Variants in SLC29A1 observed in about 807,000 individuals in gnomAD.
SLC29A1 encodes the protein equilibrative nucleoside transporter 1.
In SLC29A1, 22 loss-of-function variants were observed where a neutral mutation model predicts 48.3. The ratio of observed to expected loss-of-function variants is 0.46; its 90% CI spans 0.33 to 0.65. The LOEUF (loss-of-function observed/expected upper bound fraction) is 0.65. SLC29A1 is among the 30% of genes least tolerant of loss of function. The pLI is 0.03. For synonymous variants in SLC29A1, 228 were observed against 231.0 expected, an observed-to-expected ratio of 0.99 and a Z score of 0.12; for missense variants, 491 against 575.3, an observed-to-expected ratio of 0.85 and a Z score of 1.50.
At chr6:44,227,184 G>C (rs757285397) in intron 1 of SLC29A1, 79 bp from the exon 2 acceptor site, 42 of 1,468,982 alleles carry the variant, frequency 2.9e-5, no homozygotes, top group East Asian at 7.4e-5. Flanking sequence ...TGTCAGCCCT[G>C]CCCCCTCTCC....
At position 44,232,205 on chromosome 6, in the gene SLC29A1, C is replaced by G; in HGVS notation, c.973+99C>G. On this transcript the variant is annotated intron_variant, in intron 10 of 12. Transcript: ENST00000371755. This position sits in a 1 kb window ranked among gnomAD's most constrained non-coding sequence, Gnocchi z 4.7. ...AGCCTGGGTCACCTTCTCCCCGTTT[C>G]CTGGGTCCATTTGCCCTTCCCTGGG... The G allele has an allele frequency of 1.7e-6, 2 of 1,165,992 alleles. No individual in the cohort carries two copies. The highest frequency in any genetic ancestry group is 2.6e-6 in the Non-Finnish European group (2 of 774,584). 72.2% of individuals were successfully genotyped at this position (1,165,992 alleles called of 1,614,324 possible). A position where few individuals can be genotyped will look rare whatever the true frequency, so the allele number is the denominator to read the frequency against.
rs568929212 is a variant in SLC29A1 at position 44,233,798 on chromosome 6, C to G, written c.*270C>G. The G allele has an allele frequency of 8.1e-6, 4 of 496,158 alleles. No individual in the cohort carries two copies. In the East Asian group the frequency reaches 1.1e-4, roughly 13 times the overall value. 30.7% of individuals were successfully genotyped at this position (496,158 alleles called of 1,614,324 possible). ...TCTCCACTCTTGGCTCTGACTGATC[C>G]CTGCTTGTGCAGGCCAGTGGAGGCT... On this transcript the variant is annotated 3_prime_UTR_variant, in exon 13 of 13. Transcript: ENST00000371755.
rs1267978941 is a variant in SLC29A1, at chr6:44,233,930, C to T, written c.*402C>T. ...GGGGTGGCTAGGAGCTGGGTCTGACCGTTGTATGGTTTGACCTGATATACT... is the reference window on the plus strand; with the variant it reads ...GGGGTGGCTAGGAGCTGGGTCTGACTGTTGTATGGTTTGACCTGATATACT... On this transcript the variant is annotated 3_prime_UTR_variant, in exon 13 of 13. Coordinates refer to ENST00000371755, the MANE Select transcript of SLC29A1 (RefSeq NM_001372327.1). 3 of 219,546 alleles carry T rather than the reference C, an allele frequency of 1.4e-5. No individual in the cohort carries two copies. The highest frequency in any genetic ancestry group is 2.3e-5 in the African/African-American group (1 of 43,346). 13.6% of individuals were successfully genotyped at this position (219,546 alleles called of 1,614,324 possible). A position where few individuals can be genotyped will look rare whatever the true frequency, so the allele number is the denominator to read the frequency against.
rs946585960 is a variant in SLC29A1 at position 44,234,048 on chromosome 6, G to C, written c.*520G>C. ...TCTTACCCATCATGCACCCTGTACA[G>C]TTGCCACGTTACTGCCTTTTTTAAA... On this transcript the variant is annotated 3_prime_UTR_variant, in exon 13 of 13. Transcript: ENST00000371755. 1 of 153,302 alleles carries C rather than the reference G, an allele frequency of 6.5e-6. No homozygotes were observed. Among genetic ancestry groups the C allele is most frequent in the Non-Finnish European group, 1.5e-5 (1 of 68,476 alleles). 9.5% of individuals were successfully genotyped at this position (153,302 alleles called of 1,614,324 possible).
upstream of SLC29A1, chr6:44,223,434 G>A: frequency 3.0e-6 from 2 of 660,596 alleles, no homozygotes; most frequent in Non-Finnish European, 3.8e-6. The surrounding 1 kb of genome is among the most constrained non-coding windows in gnomAD (Gnocchi z 5.0). Context: ...GGGGCGCAGG[G>A]GCTCGGGGTG....
chr6:44,220,771 G>A (rs1383848387), upstream of SLC29A1, among the ~76,000 whole-genome samples: 1 of 151,718 alleles, frequency 6.6e-6, no homozygotes, highest in African/African-American at 2.4e-5. Flanking sequence ...GTTGCAGTGA[G>A]CCAAGATCAC....
At chr6:44,222,908 C>T (rs1466030627), upstream of SLC29A1, among the ~76,000 whole-genome samples, 1 of 152,230 alleles carries the variant, frequency 6.6e-6, no homozygotes, top group Non-Finnish European at 1.5e-5. Flanking sequence ...GGCTTTGCCC[C>T]ACCCCCCTCC....
upstream of SLC29A1, among the ~76,000 whole-genome samples, chr6:44,222,430 G>T (rs1355540634): frequency 6.6e-6 from 1 of 152,106 alleles, no homozygotes; most frequent in Non-Finnish European, 1.5e-5. Context: ...CTGGGGACAG[G>T]GTAGGACTAC....
rs919014087 is a variant in SLC29A1 at position 44,223,915 on chromosome 6, G to C, written c.-52+274G>C. 1.5e-5 allele frequency: 15 copies of C among 994,092 alleles called. No homozygotes were observed. Among genetic ancestry groups the C allele is most frequent in the Non-Finnish European group, 1.8e-5 (15 of 835,836 alleles). 61.6% of individuals were successfully genotyped at this position (994,092 alleles called of 1,614,324 possible). ...ACAGGCTGCGGTCACGTTGACCTCCGCAAGGGGCAGGCGAGTGGACGGGTG... is the reference window on the plus strand; with the variant it reads ...ACAGGCTGCGGTCACGTTGACCTCCCCAAGGGGCAGGCGAGTGGACGGGTG... On this transcript the variant is annotated intron_variant, in intron 1 of 12. Coordinates refer to ENST00000371755, the MANE Select transcript of SLC29A1 (RefSeq NM_001372327.1). This position sits in a 1 kb window ranked among gnomAD's most constrained non-coding sequence, Gnocchi z 5.0.
chr6:44,230,782 C>A (rs956015810), intron 7 of SLC29A1, 29 bp from the exon 8 acceptor site: 1 of 1,600,148 alleles, frequency 6.2e-7, no homozygotes, highest in Non-Finnish European at 8.6e-7. Flanking sequence ...GCCTCTAAAT[C>A]CACCTCCCCC....
chr6:44,220,194 C>A (rs1776181863), upstream of SLC29A1, among the ~76,000 whole-genome samples: 1 of 151,864 alleles, frequency 6.6e-6, no homozygotes, highest in East Asian at 1.9e-4. Flanking sequence ...TAAAAAAAAA[C>A]AAAAACCGAG....
In SLC29A1 at chr6:44,227,410, T is replaced by C. The variant is rs1003887786; in HGVS notation, c.29+68T>C. ...TTCAGGGAGCTGGGTGTGGTGTCCT[T>C]TGGAATTGGGGGTTGCCATTGCTGG... On this transcript the variant is annotated intron_variant, in intron 2 of 12. Coordinates refer to ENST00000371755, the MANE Select transcript of SLC29A1 (RefSeq NM_001372327.1). 1.6e-5 allele frequency: 23 copies of C among 1,408,712 alleles called. No homozygotes were observed. In the Admixed American group the frequency reaches 3.1e-4, roughly 19 times the overall value. 87.3% of individuals were successfully genotyped at this position (1,408,712 alleles called of 1,614,324 possible). A position where few individuals can be genotyped will look rare whatever the true frequency, so the allele number is the denominator to read the frequency against.
At chr6:44,225,810 G>A (rs907972592) in intron 1 of SLC29A1, 2 of 152,334 alleles carry the variant, frequency 1.3e-5, no homozygotes, top group African/African-American at 4.8e-5. Flanking sequence ...AGAGCCCGTG[G>A]AAGGTCTCAT....
chr6:44,230,400 G>A lies in SLC29A1; in HGVS notation c.508G>A (p.Ala170Thr), dbSNP rs775364025. The A allele has an allele frequency of 6.8e-6, 11 of 1,613,950 alleles. No homozygotes were observed. In the East Asian group the frequency reaches 1.3e-4, roughly 20 times the overall value. Reference protein sequence around the residue: ...SLFGLAGLLPASYTAPIMSGQ... With the variant: ...SLFGLAGLLPTSYTAPIMSGQ... ...GTTTGGTCTGGCTGGCCTTCTGCCT[G>A]CCAGCTACACGGCCCCCATCATGAG... The change falls in exon 6 of 13, where the codon GCC (alanine) becomes ACC (threonine). Residue 170 changes from alanine (A) to threonine (T), a missense_variant. Coordinates refer to ENST00000371755, the MANE Select transcript of SLC29A1 (RefSeq NM_001372327.1).
chr6:44,233,142 C>T, intron 12 of SLC29A1, 136 bp downstream of exon 12: 1 of 975,844 alleles, frequency 1.0e-6, no homozygotes, highest in East Asian at 2.6e-5. Flanking sequence ...GGAGGGGCTC[C>T]CAGGCTGAGG....
upstream of SLC29A1, chr6:44,221,804 A>C (rs1052914231): frequency 1.8e-5 from 7 of 391,388 alleles, no homozygotes; most frequent in African/African-American, 1.5e-4. This position sits in a 1 kb window ranked among gnomAD's most constrained non-coding sequence, Gnocchi z 4.2. Context: ...TGGATGCCAG[A>C]CGGACTTCTC....
In SLC29A1 at chr6:44,223,680, C is replaced by A; in HGVS notation, c.-52+39C>A. 1 of 1,142,652 alleles carries A rather than the reference C, an allele frequency of 8.8e-7. No homozygotes were observed. The highest frequency in any genetic ancestry group is 3.8e-5 in the Admixed American group (1 of 26,310). The allele number at this position is 1,142,652 out of a possible 1,614,324, so 70.8% of individuals were successfully genotyped here. A position where few individuals can be genotyped will look rare whatever the true frequency, so the allele number is the denominator to read the frequency against. ...CCGGGGACTGGGGACTGGGGACTGC[C>A]GGGGCGGAAGACGCCGCTGCCCGCC... is the stretch of plus-strand genomic sequence containing the variant. On this transcript the variant is annotated intron_variant, in intron 1 of 12. Transcript: ENST00000371755. This position sits in a 1 kb window ranked among gnomAD's most constrained non-coding sequence, Gnocchi z 5.0.
At chr6:44,221,381 C>G (rs1776401286), upstream of SLC29A1, among the ~76,000 whole-genome samples, 1 of 152,226 alleles carries the variant, frequency 6.6e-6, no homozygotes, top group Non-Finnish European at 1.5e-5. This position sits in a 1 kb window ranked among gnomAD's most constrained non-coding sequence, Gnocchi z 4.2. Flanking sequence ...ACACTTCCAG[C>G]AAACACACAT....
At chr6:44,231,819 G>C (rs1416239708) in intron 9 of SLC29A1, among the ~76,000 whole-genome samples, 179 bp from the exon 10 acceptor site, 1 of 152,074 alleles carries the variant, frequency 6.6e-6, no homozygotes, top group African/African-American at 2.4e-5. Flanking sequence ...GTAGAGATGG[G>C]GTTTCACCAG....
Sources: allele counts gnomAD v4.1 joint callset (sites outside exome capture counted in the v4.1 genomes callset), GRCh38; gene constraint gnomAD v4.1.1; non-coding constraint Gnocchi (gnomAD v3.1); transcripts MANE v1.5; gene names NCBI Gene and HGNC (gene_info 2026-07-23, HGNC 2026-07-21).